The following KATNAL1 variants were observed in gnomAD, a reference collection of about 807,000 sequenced individuals.
KATNAL1 encodes the protein katanin catalytic subunit A1 like 1.
Under a neutral mutation model 55.2 loss-of-function variants are expected in KATNAL1, and 32 were observed. That is an observed-to-expected ratio of 0.58 (90% confidence interval 0.44 to 0.78). The LOEUF is 0.78. KATNAL1 is among the 30% of genes least tolerant of loss of function. KATNAL1 has a pLI of 0.00. For missense variants in KATNAL1, 466 were observed against 600.9 expected (o/e 0.78, Z 2.35); for synonymous variants, 193 against 193.6 (o/e 1.00, Z 0.02).
At chr13:30,283,566 T>C (rs761338908) in intron 2 of KATNAL1, 50 bp downstream of exon 2, 6 of 1,569,834 alleles carry the variant, frequency 3.8e-6, no homozygotes, top group Non-Finnish European at 5.2e-6. Flanking sequence ...CTCTCAAGTA[T>C]AATAGGGTAC....
At chr13:30,234,612 C>T (rs1029082323) in intron 6 of KATNAL1, among the ~76,000 whole-genome samples, 4 of 152,122 alleles carry the variant, frequency 2.6e-5, no homozygotes, top group Non-Finnish European at 5.9e-5. Context: ...AACTCCTGAA[C>T]AAACTCATCC....
At chr13:30,283,820 A>G in intron 1 of KATNAL1, 29 bp from the exon 2 acceptor site, 1 of 1,488,470 alleles carries the variant, frequency 6.7e-7, no homozygotes, top group Non-Finnish European at 9.1e-7. Context: ...GACTTTTTAA[A>G]AATTTTCAGC....
chr13:30,269,098 T>C (rs1880017984), intron 3 of KATNAL1, among the ~76,000 whole-genome samples: 1 of 151,812 alleles, frequency 6.6e-6, no homozygotes, highest in African/African-American at 2.4e-5. Flanking sequence ...GGTCTCTCTC[T>C]CCCTCTCTTT....
intron 10 of KATNAL1, among the ~76,000 whole-genome samples, chr13:30,209,000 A>G (rs1390273779): frequency 3.3e-5 from 5 of 152,176 alleles, no homozygotes; most frequent in Non-Finnish European, 5.9e-5. Context: ...TCTTTTCTCC[A>G]CTTGCTCCTC....
Position 30,280,215 on chromosome 13 carries a change from C to T in KATNAL1, c.171G>A (p.Gln57=). Residue 57 remains glutamine, a synonymous_variant, in exon 3 of 11, where the codon CAG becomes CAA. Coordinates refer to ENST00000380615, the MANE Select transcript of KATNAL1 (RefSeq NM_032116.5). The part of the protein sequence containing the change: ...AIKGKWQQVR[Q]ELLEEYEQVK... ...CTTGTTCATATTCCTCCAATAATTC[C>T]TGCCGAACCTTAAAAAAAAAAAATA... 6.4e-7 allele frequency: 1 copy of T among 1,574,302 alleles called. No individual in the cohort carries two copies. The highest frequency in any genetic ancestry group is 8.6e-7 in the Non-Finnish European group (1 of 1,167,696).
chr13:30,274,856 C>T (rs1402023620), intron 3 of KATNAL1, among the ~76,000 whole-genome samples: 1 of 148,672 alleles, frequency 6.7e-6, no homozygotes, highest in Non-Finnish European at 1.5e-5. Context: ...AAAATGTGTG[C>T]ATATATGTTG....
intron 4 of KATNAL1, among the ~76,000 whole-genome samples, chr13:30,253,031 G>A (rs1175591090): frequency 6.6e-6 from 1 of 152,192 alleles, no homozygotes; most frequent in Non-Finnish European, 1.5e-5. Flanking sequence ...ACAGGCGTGA[G>A]CCACTGCCCC....
chr13:30,251,623 A>G (rs555694177), intron 4 of KATNAL1, among the ~76,000 whole-genome samples: 4 of 152,326 alleles, frequency 2.6e-5, no homozygotes, highest in African/African-American at 9.6e-5. Context: ...AAACTGTGAG[A>G]AATAAATTTC....
At chr13:30,226,828 G>A (rs1315903624) in intron 9 of KATNAL1, among the ~76,000 whole-genome samples, 1 of 152,182 alleles carries the variant, frequency 6.6e-6, no homozygotes, top group Admixed American at 6.5e-5. Context: ...GGTAATCCCA[G>A]CACTTTATGA....
intron 4 of KATNAL1, among the ~76,000 whole-genome samples, chr13:30,247,119 C>T (rs562849527): frequency 1.8e-4 from 27 of 152,248 alleles, no homozygotes; most frequent in African/African-American, 2.6e-4. Flanking sequence ...CCCAAGGACA[C>T]GCAGCTAGAT....
At chr13:30,215,796 G>A (rs1874162972) in intron 9 of KATNAL1, among the ~76,000 whole-genome samples, 3 of 151,682 alleles carry the variant, frequency 2.0e-5, no homozygotes, top group Admixed American at 2.0e-4. Flanking sequence ...GAGTGGGGAG[G>A]GATAGCATTA....
chr13:30,277,097 A>T (rs1367716303), intron 3 of KATNAL1, among the ~76,000 whole-genome samples: 4 of 152,226 alleles, frequency 2.6e-5, no homozygotes, highest in African/African-American at 9.6e-5. Flanking sequence ...TTGGACATTT[A>T]AAAAGCCATA....
intron 4 of KATNAL1, among the ~76,000 whole-genome samples, chr13:30,248,841 C>T (rs919362808): frequency 1.3e-5 from 2 of 152,038 alleles, no homozygotes; most frequent in African/African-American, 2.4e-5. Flanking sequence ...GGGTGGATCA[C>T]GAGGTCAGGA....
chr13:30,216,274 A>G (rs373861444), intron 9 of KATNAL1, among the ~76,000 whole-genome samples: 236 of 152,312 alleles, frequency 1.5e-3, no homozygotes, highest in South Asian at 9.3e-3. Flanking sequence ...TGTAAGGGAA[A>G]GGTGGTGACC....
chr13:30,246,087 A>C (rs1045868502), intron 4 of KATNAL1, among the ~76,000 whole-genome samples: 1 of 152,226 alleles, frequency 6.6e-6, no homozygotes, highest in African/African-American at 2.4e-5. Context: ...CATATAGCCA[A>C]GACAATCCTA....
chr13:30,223,559 G>A (rs1026808270), intron 9 of KATNAL1, among the ~76,000 whole-genome samples: 6 of 151,896 alleles, frequency 4.0e-5, no homozygotes, highest in Admixed American at 3.3e-4. Flanking sequence ...AGACGGTAAG[G>A]CTAAATTAAA....
chr13:30,209,815 T>G (rs923973070), intron 10 of KATNAL1, among the ~76,000 whole-genome samples: 22 of 152,164 alleles, frequency 1.4e-4, no homozygotes, highest in African/African-American at 4.8e-4. Flanking sequence ...AGAGTCTCGC[T>G]CTGTTGCCCA....
intron 3 of KATNAL1, among the ~76,000 whole-genome samples, chr13:30,271,002 A>T (rs1880312465): frequency 6.6e-6 from 1 of 152,152 alleles, no homozygotes; most frequent in Non-Finnish European, 1.5e-5. Context: ...TACTTTAAAT[A>T]AGGTGGTCAG....
chr13:30,286,101 T>G (rs1881766934), intron 1 of KATNAL1, among the ~76,000 whole-genome samples: 1 of 152,158 alleles, frequency 6.6e-6, no homozygotes, highest in African/African-American at 2.4e-5. Flanking sequence ...TGAATAGAGG[T>G]TTAGAAAATG....
Sources: allele counts gnomAD v4.1 joint callset (sites outside exome capture counted in the v4.1 genomes callset), GRCh38; gene constraint gnomAD v4.1.1; transcripts MANE v1.5; gene names NCBI Gene and HGNC (gene_info 2026-07-23, HGNC 2026-07-21).